RHOBTB3: variants seen among roughly 807,000 people sequenced by gnomAD.
RHOBTB3 encodes the protein Rho related BTB domain containing 3, also known as rho-related BTB domain-containing protein 3.
RHOBTB3 carries 47 observed loss-of-function variants against 67.2 expected under a neutral mutation model. The observed-to-expected ratio is 0.70, with a 90% confidence interval of 0.55 to 0.89. The LOEUF is 0.89. Ranked by LOEUF, RHOBTB3 falls within the 40% of genes least tolerant of loss-of-function variation. The pLI, the probability that RHOBTB3 is intolerant of heterozygous loss-of-function variation, is 0.00. For synonymous variants in RHOBTB3, 273 were observed against 274.2 expected (o/e 1.00, Z 0.04); for missense variants, 631 against 750.0 (o/e 0.84, Z 1.85).
intron 8 of RHOBTB3, among the ~76,000 whole-genome samples, chr5:95,775,054 C>T (rs1745826896): frequency 6.6e-6 from 1 of 152,024 alleles, no homozygotes; most frequent in African/African-American, 2.4e-5. Flanking sequence ...AACTCAAAGG[C>T]GAGTGTGAGA....
chr5:95,770,206 G>T (rs1382260760), intron 8 of RHOBTB3: 1 of 285,836 alleles, frequency 3.5e-6, no homozygotes. Flanking sequence ...TTAAAATGGA[G>T]TAGCTGTGCT....
In RHOBTB3 at chr5:95,731,417, C is replaced by T. The variant is rs1382554038; in HGVS notation, c.-266C>T. 7 of 1,189,520 alleles carry T rather than the reference C, an allele frequency of 5.9e-6. No homozygotes were observed. Among genetic ancestry groups the T allele is most frequent in the African/African-American group, 1.6e-5 (1 of 62,418 alleles). 73.7% of individuals were successfully genotyped at this position (1,189,520 alleles called of 1,614,324 possible). ...GCTGCGTCCACTTGGGGCTGTGCGG[C>T]GGTCCCGCGCCCGGCGATGTTCCCG... On this transcript the variant is annotated 5_prime_UTR_variant, in exon 1 of 12. Transcript: ENST00000379982.
chr5:95,791,294 G>T (rs1462856408), intron 11 of RHOBTB3, among the ~76,000 whole-genome samples: 1 of 152,122 alleles, frequency 6.6e-6, no homozygotes, highest in Non-Finnish European at 1.5e-5. Flanking sequence ...TTAAGTATTA[G>T]ATTTTTATAT....
chr5:95,741,523 G>GT (rs70978191), intron 3 of RHOBTB3, among the ~76,000 whole-genome samples: 31,886 of 84,964 alleles, frequency 0.38, 6,853 homozygotes, highest in Non-Finnish European at 0.46. Flanking sequence ...CTTTCTTTCT[G>GT]TTTTTTTTTT....
At chr5:95,760,071 T>G (rs143633880) in intron 6 of RHOBTB3, among the ~76,000 whole-genome samples, 2 of 152,318 alleles carry the variant, frequency 1.3e-5, no homozygotes, top group African/African-American at 4.8e-5. Context: ...TTTGGTTCGT[T>G]ATTTAGGAGC....
chr5:95,764,221 C>T (rs1010222091), intron 7 of RHOBTB3, among the ~76,000 whole-genome samples: 8 of 152,174 alleles, frequency 5.3e-5, no homozygotes, highest in African/African-American at 1.9e-4. Context: ...TCTGGGAATA[C>T]ACAATCTATA....
In RHOBTB3 at chr5:95,757,899, G is replaced by T. The variant is rs143068544; in HGVS notation, c.1048+2138G>T. 2.0e-5 allele frequency among the ~76,000 whole-genome samples: 3 copies of T among 152,242 alleles called. No homozygotes were observed. The South Asian group carries it at 6.2e-4, about 32-fold the overall frequency. ...TTCATTTAGTACTATAGATTTTGAC[G>T]TTTAAACTTAGAATGTCACAGTTCA... On this transcript the variant is annotated intron_variant, in intron 6 of 11. Transcript: ENST00000379982.
intron 11 of RHOBTB3, among the ~76,000 whole-genome samples, chr5:95,792,449 GA>G (rs566135868): frequency 2.8e-4 from 40 of 142,708 alleles, no homozygotes; most frequent in African/African-American, 7.5e-4. Context: ...ATTATAAATG[GA>G]AAAAAAAAAT....
rs1384621676 is a variant in RHOBTB3 at position 95,731,474 on chromosome 5, C to G, written c.-209C>G. 1 of 1,223,140 alleles carries G rather than the reference C, an allele frequency of 8.2e-7. No homozygotes were observed. Among genetic ancestry groups the G allele is most frequent in the East Asian group, 3.6e-5 (1 of 28,086 alleles). 75.8% of individuals were successfully genotyped at this position (1,223,140 alleles called of 1,614,324 possible). On this transcript the variant is annotated 5_prime_UTR_variant, in exon 1 of 12. Coordinates refer to ENST00000379982, the MANE Select transcript of RHOBTB3 (RefSeq NM_014899.4). ...CCCTGAGTAGCGGCAGCTTATCCCC[C>G]GCCCGCTAGCCCGCCCTGGTCCCCG...
chr5:95,796,353 T>C lies in RHOBTB3; in HGVS notation c.*3179T>C, dbSNP rs1171855097. The C allele has an allele frequency of 6.6e-6, 1 of 152,264 alleles. No individual in the cohort carries two copies. The highest frequency in any genetic ancestry group is 1.5e-5 in the Non-Finnish European group (1 of 68,042). 9.4% of individuals were successfully genotyped at this position (152,264 alleles called of 1,614,324 possible). On this transcript the variant is annotated 3_prime_UTR_variant, in exon 12 of 12. Coordinates refer to ENST00000379982, the MANE Select transcript of RHOBTB3 (RefSeq NM_014899.4). Reference sequence around the variant, plus strand: ...ACTTTTTGTAACAAATAAACCTTTTTTAAAACAAGTTTAACGAAGTGTCCT... The same window carrying C: ...ACTTTTTGTAACAAATAAACCTTTTCTAAAACAAGTTTAACGAAGTGTCCT...
chr5:95,757,235 A>T (rs936430044), intron 6 of RHOBTB3, among the ~76,000 whole-genome samples: 4 of 152,190 alleles, frequency 2.6e-5, no homozygotes, highest in African/African-American at 9.7e-5. Context: ...CATTTTAGCA[A>T]ATGAATTGAA....
chr5:95,786,398 T>C (rs1183174745), intron 10 of RHOBTB3, among the ~76,000 whole-genome samples: 1 of 152,230 alleles, frequency 6.6e-6, no homozygotes, highest in African/African-American at 2.4e-5. Context: ...CTTTCTTAGA[T>C]AGATGAGCAG....
intron 1 of RHOBTB3, among the ~76,000 whole-genome samples, chr5:95,721,492 T>G (rs536835418): frequency 5.3e-5 from 8 of 150,248 alleles, no homozygotes; most frequent in African/African-American, 2.0e-4. Flanking sequence ...GGGCAGGGGG[T>G]TTGGATCTGG....
chr5:95,764,269 T>G (rs1745479901), intron 7 of RHOBTB3, among the ~76,000 whole-genome samples: 1 of 152,204 alleles, frequency 6.6e-6, no homozygotes, highest in Admixed American at 6.5e-5. Flanking sequence ...CCAGGTACAG[T>G]TAAGGTTATT....
intron 3 of RHOBTB3, among the ~76,000 whole-genome samples, chr5:95,740,868 CT>C (rs34577877): frequency 2.0e-5 from 3 of 151,864 alleles, no homozygotes; most frequent in Non-Finnish European, 4.4e-5. Flanking sequence ...CACACACACA[CT>C]TTTTTTTGGC....
chr5:95,785,401 C>T (rs527317490), intron 10 of RHOBTB3, among the ~76,000 whole-genome samples: 32 of 152,222 alleles, frequency 2.1e-4, no homozygotes, highest in Middle Eastern at 3.4e-3. Context: ...ACCATCCTGG[C>T]TAACACAGTG....
intron 6 of RHOBTB3, among the ~76,000 whole-genome samples, chr5:95,759,109 G>A (rs141391265): frequency 4.9e-3 from 754 of 152,358 alleles, no homozygotes; most frequent in African/African-American, 0.018. Flanking sequence ...AATAGGGATC[G>A]GAGGGCAGGC....
At chr5:95,766,729 G>A (rs139429420) in intron 7 of RHOBTB3, among the ~76,000 whole-genome samples, 8 of 152,130 alleles carry the variant, frequency 5.3e-5, no homozygotes, top group Non-Finnish European at 1.0e-4. Context: ...AAAGGATAAA[G>A]CACTGAGGTC....
At chr5:95,731,796 C>A (rs1172062915) in intron 1 of RHOBTB3, 63 bp from the exon 2 acceptor site, 3 of 1,602,214 alleles carry the variant, frequency 1.9e-6, no homozygotes, top group Middle Eastern at 3.3e-4. Context: ...ACTTCCTGTT[C>A]CGAGGAGAGA....
Sources: gnomAD v4.1 joint callset for allele counts (sites outside exome capture counted in the v4.1 genomes callset) on GRCh38, gnomAD v4.1.1 for gene constraint, MANE v1.5 for transcripts, NCBI Gene and HGNC (gene_info 2026-07-23, HGNC 2026-07-21) for gene names.